Variants in LRP1B observed in about 807,000 individuals in gnomAD.
LRP1B encodes the protein LDL receptor related protein 1B.
LRP1B carries 217 observed loss-of-function variants against 556.6 expected under a neutral mutation model. The ratio of observed to expected loss-of-function variants is 0.39; its 90% CI spans 0.35 to 0.44. The LOEUF (loss-of-function observed/expected upper bound fraction) is 0.44. Among genes scored for constraint, LRP1B ranks in the 20% least tolerant of loss-of-function variants. The probability of loss-of-function intolerance (pLI) is 1.00; values close to 1 mark genes in which losing one functional copy is unlikely to be tolerated. For synonymous variants in LRP1B, 2,047 were observed against 1,865.8 expected (o/e 1.10, Z -2.50); for missense variants, 5,053 against 5,620.8 (o/e 0.90, Z 3.23).
chr2:141,275,070 A>C (rs1685233650), intron 3 of LRP1B, among the ~76,000 whole-genome samples: 1 of 152,194 alleles, frequency 6.6e-6, no homozygotes. Flanking sequence ...ACACATGAGA[A>C]AGCAAAGCTA....
At position 140,334,534 on chromosome 2, in the gene LRP1B, C is replaced by T. The variant is rs1361813321; in HGVS notation, c.12142G>A (p.Asp4048Asn). 3 of 1,598,028 alleles carry T rather than the reference C, an allele frequency of 1.9e-6. No homozygotes were observed. The highest frequency in any genetic ancestry group is 1.3e-5 in the African/African-American group (1 of 74,078). Residue 4048 changes from aspartate (D) to asparagine (N), a missense_variant, in exon 79 of 91, where the codon GAT becomes AAT. By Grantham distance (23) the Asp-to-Asn change is conservative. This residue lies in a region of LRP1B where 599 missense variants were observed against 648.4 expected (regional missense o/e 0.92). Transcript: ENST00000389484. ...GCTGCTTCTTCTATATGGGAATGAT[C>T]CCCAACAACAGTCCAGTACATCATC... Reference protein sequence around the residue: ...RGMMYWTVVGDHSHIEEAAMD... With the variant: ...RGMMYWTVVGNHSHIEEAAMD...
At chr2:140,744,079 C>T (rs1346205108) in intron 35 of LRP1B, among the ~76,000 whole-genome samples, 2 of 149,588 alleles carry the variant, frequency 1.3e-5, no homozygotes, top group Non-Finnish European at 3.0e-5. Context: ...AGGGTATAAA[C>T]CCGCGGTTAT....
chr2:140,325,420 CA>C (rs1194127409), intron 80 of LRP1B, among the ~76,000 whole-genome samples: 1 of 152,036 alleles, frequency 6.6e-6, no homozygotes, highest in Non-Finnish European at 1.5e-5. Context: ...CTTGTTATTG[CA>C]ATTGAAATAA....
chr2:141,760,237 G>A (rs1574330418), intron 2 of LRP1B, among the ~76,000 whole-genome samples: 1 of 152,110 alleles, frequency 6.6e-6, no homozygotes. Context: ...CATAAGTTGT[G>A]AGTAAAATAA....
chr2:141,857,522 A>G (rs1163203359), intron 1 of LRP1B, among the ~76,000 whole-genome samples: 1 of 151,804 alleles, frequency 6.6e-6, no homozygotes. Context: ...ATTTTTGTAG[A>G]CATGGGGTCT....
chr2:140,235,871 A>G (rs1680675204), intron 89 of LRP1B, among the ~76,000 whole-genome samples: 1 of 151,082 alleles, frequency 6.6e-6, no homozygotes, highest in Non-Finnish European at 1.5e-5. Flanking sequence ...TGTTATATGT[A>G]TGAATACTAT....
intron 79 of LRP1B, among the ~76,000 whole-genome samples, chr2:140,333,359 A>G (rs1006649739): frequency 6.6e-6 from 1 of 152,152 alleles, no homozygotes; most frequent in Non-Finnish European, 1.5e-5. Flanking sequence ...TCTATCCTCT[A>G]TAGGAAGATA....
chr2:141,310,326 T>C lies in LRP1B; in HGVS notation c.344-55685A>G, dbSNP rs182290107. ...GAGTTTTATTAAAACTGTGTGATCT[T>C]ATACAAAGTCCTTGACATCTCTGGG... is the stretch of plus-strand genomic sequence containing the variant. On this transcript the variant is annotated intron_variant, in intron 3 of 90. Coordinates refer to ENST00000389484, the MANE Select transcript of LRP1B (RefSeq NM_018557.3). 3.2e-3 allele frequency among the ~76,000 whole-genome samples: 485 copies of C among 152,300 alleles called. 2 individuals carry two copies. Among genetic ancestry groups the C allele is most frequent in the African/African-American group, 0.011 (466 of 41,572 alleles).
At chr2:141,465,738 C>G (rs1193709702) in intron 3 of LRP1B, among the ~76,000 whole-genome samples, 1 of 151,900 alleles carries the variant, frequency 6.6e-6, no homozygotes, top group African/African-American at 2.4e-5. Flanking sequence ...TTTGTAGAGA[C>G]AGGTTTTTTC....
chr2:140,254,532 GTTTGTTTGTTTGT>G (rs529823945), intron 86 of LRP1B, among the ~76,000 whole-genome samples: 54 of 151,472 alleles, frequency 3.6e-4, no homozygotes, highest in African/African-American at 8.4e-4. Context: ...TTTGTTTTTT[GTTTGTTTGTTTGT>G]TTTGTTTGTT....
At chr2:140,428,126 G>A (rs1216297967) in intron 66 of LRP1B, among the ~76,000 whole-genome samples, 2 of 152,054 alleles carry the variant, frequency 1.3e-5, no homozygotes, top group Non-Finnish European at 2.9e-5. Context: ...AGGTCAAAAA[G>A]CCGTCTTATT....
intron 41 of LRP1B, among the ~76,000 whole-genome samples, chr2:140,693,774 C>CTTG (rs1686328182): frequency 6.6e-6 from 1 of 152,144 alleles, no homozygotes; most frequent in Non-Finnish European, 1.5e-5. Flanking sequence ...GTGGTGCAAT[C>CTTG]TTGGCTCACT....
intron 2 of LRP1B, among the ~76,000 whole-genome samples, chr2:141,676,288 C>T (rs1558797935): frequency 6.6e-6 from 1 of 152,032 alleles, no homozygotes; most frequent in East Asian, 1.9e-4. Context: ...AGTCAAAAAT[C>T]AATACATGTT....
At position 141,906,963 on chromosome 2, in the gene LRP1B, G is replaced by A. The variant is rs78491209; in HGVS notation, c.83-96562C>T. Among the ~76,000 whole-genome samples the A allele has an allele frequency of 2.8e-3, 426 of 152,078 alleles. 2 individuals carry two copies. The highest frequency in any genetic ancestry group is 4.3e-3 in the Admixed American group (66 of 15,230). On this transcript the variant is annotated intron_variant, in intron 1 of 90. Coordinates refer to ENST00000389484, the MANE Select transcript of LRP1B (RefSeq NM_018557.3). ...TTTTGGCAGAGACACATGCCACTTTGGCAAACTTTAGAAAATAACTAAAAG... is the reference window on the plus strand; with the variant it reads ...TTTTGGCAGAGACACATGCCACTTTAGCAAACTTTAGAAAATAACTAAAAG...
At chr2:140,918,792 A>T (rs1421568067) in intron 21 of LRP1B, among the ~76,000 whole-genome samples, 2 of 152,082 alleles carry the variant, frequency 1.3e-5, no homozygotes, top group African/African-American at 4.8e-5. Flanking sequence ...CCATCTGCAA[A>T]CCAGGAAGAG....
chr2:140,750,741 A>T (rs936161165), intron 35 of LRP1B, among the ~76,000 whole-genome samples: 2 of 152,154 alleles, frequency 1.3e-5, no homozygotes, highest in African/African-American at 4.8e-5. Flanking sequence ...ATGAGACTCT[A>T]TTATTTCATA....
At chr2:141,428,764 T>G (rs1010944266) in intron 3 of LRP1B, among the ~76,000 whole-genome samples, 1 of 152,190 alleles carries the variant, frequency 6.6e-6, no homozygotes, top group Admixed American at 6.6e-5. Flanking sequence ...CTCTAACAAG[T>G]ATCTTGTATA....
chr2:142,121,791 G>T (rs144887665), intron 1 of LRP1B, among the ~76,000 whole-genome samples: 1 of 151,878 alleles, frequency 6.6e-6, no homozygotes, highest in Non-Finnish European at 1.5e-5. Flanking sequence ...TTCCAACCAC[G>T]TAAAATAGTG....
At chr2:140,795,818 C>A (rs1690283275) in intron 32 of LRP1B, among the ~76,000 whole-genome samples, 1 of 152,048 alleles carries the variant, frequency 6.6e-6, no homozygotes, top group Non-Finnish European at 1.5e-5. Flanking sequence ...CCACTACATT[C>A]CAACATGAGA....
Sources: gnomAD v4.1 joint callset for allele counts (sites outside exome capture counted in the v4.1 genomes callset) on GRCh38, gnomAD v4.1.1 for gene constraint, gnomAD v4.1.1 regional missense constraint, MANE v1.5 for transcripts, NCBI Gene and HGNC (gene_info 2026-07-23, HGNC 2026-07-21) for gene names.